DCAF8L2: variants seen among roughly 807,000 people sequenced by gnomAD.
DCAF8L2 encodes the protein DDB1 and CUL4 associated factor 8 like 2, also known as DDB1- and CUL4-associated factor 8-like protein 2.
For missense variants in DCAF8L2, 430 were observed against 490.7 expected, an observed-to-expected ratio of 0.88 and a Z score of 1.17; for synonymous variants, 200 against 190.9, an observed-to-expected ratio of 1.05 and a Z score of -0.39.
At chrX:27,540,229 A>T in the DCAF8L2 span, among the ~76,000 whole-genome samples, 5 of 111,389 alleles carry the variant, frequency 4.5e-5, no homozygotes, top group Non-Finnish European at 9.4e-5. Flanking sequence ...AAAGTACATT[A>T]TTTTCCAAAA....
At chrX:27,688,862 C>A (rs1250821894) in intron 3 of DCAF8L2, among the ~76,000 whole-genome samples, 1 of 111,197 alleles carries the variant, frequency 9.0e-6, no homozygotes, top group Non-Finnish European at 1.9e-5. Flanking sequence ...TTTTCATTTG[C>A]TATTTTTTTA....
At chrX:27,615,836 T>C (rs943110846) in intron 1 of DCAF8L2, among the ~76,000 whole-genome samples, 2 of 111,274 alleles carry the variant, frequency 1.8e-5, no homozygotes, top group African/African-American at 6.5e-5. Flanking sequence ...TCTTAAAGTT[T>C]ATGAACTTCA....
Position 27,747,287 on chromosome X carries a change from AGG to A in DCAF8L2, c.393_394del (p.Glu132GlyfsTer29). On this transcript the variant is annotated frameshift_variant, in exon 5 of 5. Transcript: ENST00000451261. LOFTEE classifies it low-confidence loss of function (END_TRUNC). ...GAGGGAGGGGAGGAGGAGGAAGAGG[AGG>A]AGGAGGAGGAGGAGGAGGAGGAGGA... 1 of 394,279 alleles carries A rather than the reference AGG, an allele frequency of 2.5e-6. No individual in the cohort carries two copies. The highest frequency in any genetic ancestry group is 3.1e-6 in the Non-Finnish European group (1 of 318,607). The allele number at this position is 394,279 out of a possible 1,213,427, so 32.5% of individuals were successfully genotyped here.
chrX:27,502,836 T>C, the DCAF8L2 span, among the ~76,000 whole-genome samples: 1 of 111,532 alleles, frequency 9.0e-6, no homozygotes, highest in Non-Finnish European at 1.9e-5. Flanking sequence ...GGGAAATAAC[T>C]CGGAAATATA....
At chrX:27,699,761 T>C (rs5926860) in intron 3 of DCAF8L2, among the ~76,000 whole-genome samples, 56,071 of 110,253 alleles carry the variant, frequency 0.51, 10,697 homozygotes, top group African/African-American at 0.67. Flanking sequence ...GGGTGTATGA[T>C]TCACAACTGT....
chrX:27,501,610 C>T, the DCAF8L2 span, among the ~76,000 whole-genome samples: 1 of 111,157 alleles, frequency 9.0e-6, no homozygotes, highest in Non-Finnish European at 1.9e-5. Flanking sequence ...TCTTTAATCG[C>T]TTCCTGTGAT....
intron 3 of DCAF8L2, among the ~76,000 whole-genome samples, chrX:27,678,774 C>T (rs1273068531): frequency 2.7e-5 from 3 of 111,345 alleles, no homozygotes; most frequent in Admixed American, 9.6e-5. Context: ...GGTTGCACAA[C>T]AATGTAAATG....
At chrX:27,677,122 G>A (rs1161176293) in intron 2 of DCAF8L2, 3 of 111,603 alleles carry the variant, frequency 2.7e-5, no homozygotes, top group Non-Finnish European at 5.7e-5. Context: ...TATGCCAGAT[G>A]TTGGAGATAA....
At chrX:27,671,091 T>C (rs1569177874) in intron 2 of DCAF8L2, among the ~76,000 whole-genome samples, 1 of 111,694 alleles carries the variant, frequency 9.0e-6, no homozygotes. Context: ...TTACCCAATG[T>C]GGGTTATGTT....
chrX:27,697,186 A>G (rs1176188034), intron 3 of DCAF8L2, among the ~76,000 whole-genome samples: 1 of 111,765 alleles, frequency 8.9e-6, no homozygotes. Context: ...TGACAGGGAA[A>G]GGCTTAGAAA....
At chrX:27,512,122 T>A in the DCAF8L2 span, among the ~76,000 whole-genome samples, 1 of 105,361 alleles carries the variant, frequency 9.5e-6, no homozygotes, top group Non-Finnish European at 1.9e-5. Context: ...TAAAAAAAAA[T>A]TAGCTGGACA....
chrX:27,703,318 G>T (rs1482401463), intron 3 of DCAF8L2, among the ~76,000 whole-genome samples: 1 of 110,746 alleles, frequency 9.0e-6, no homozygotes, highest in Non-Finnish European at 1.9e-5. Flanking sequence ...TGCAGATATT[G>T]GCAAACCGAT....
chrX:27,578,621 C>T, the DCAF8L2 span, among the ~76,000 whole-genome samples: 1 of 111,141 alleles, frequency 9.0e-6, no homozygotes, highest in Non-Finnish European at 1.9e-5. Flanking sequence ...GAACAGGCAA[C>T]CTACAGAAAA....
At chrX:27,623,919 C>T (rs1201938262) in intron 1 of DCAF8L2, among the ~76,000 whole-genome samples, 3 of 111,904 alleles carry the variant, frequency 2.7e-5, no homozygotes, top group Non-Finnish European at 5.6e-5. Flanking sequence ...CTTTCACAAA[C>T]TTCTTAATGT....
At chrX:27,512,006 T>C in the DCAF8L2 span, among the ~76,000 whole-genome samples, 74 of 111,884 alleles carry the variant, frequency 6.6e-4, 1 homozygote, top group Non-Finnish European at 1.3e-3. Flanking sequence ...ATGAAAGAAA[T>C]TGAATCCTAA....
intron 1 of DCAF8L2, among the ~76,000 whole-genome samples, chrX:27,607,745 T>C (rs1380536268): frequency 4.5e-5 from 5 of 112,166 alleles, no homozygotes; most frequent in Admixed American, 3.8e-4. Flanking sequence ...CTGAAATTCT[T>C]TCCAGTACTT....
intron 2 of DCAF8L2, among the ~76,000 whole-genome samples, chrX:27,677,481 A>T (rs763576645): frequency 8.9e-6 from 1 of 111,959 alleles, no homozygotes; most frequent in East Asian, 2.8e-4. Flanking sequence ...CCATGTGGTG[A>T]TGAAGAATGG....
At chrX:27,533,975 G>A in the DCAF8L2 span, among the ~76,000 whole-genome samples, 10 of 111,725 alleles carry the variant, frequency 9.0e-5, no homozygotes, top group South Asian at 1.9e-3. Context: ...CTGGGGGACC[G>A]AGGCAGGTGG....
chrX:27,510,625 A>T, the DCAF8L2 span, among the ~76,000 whole-genome samples: 1 of 108,795 alleles, frequency 9.2e-6, no homozygotes, highest in African/African-American at 3.3e-5. Context: ...GCTTTTTGTC[A>T]GTCATCTTTT....
Sources: gnomAD v4.1 joint callset for allele counts (sites outside exome capture counted in the v4.1 genomes callset) on GRCh38, gnomAD v4.1.1 for gene constraint, MANE v1.5 for transcripts, NCBI Gene and HGNC (gene_info 2026-07-23, HGNC 2026-07-21) for gene names.